The following KRT8 variants were observed in gnomAD, a reference collection of about 807,000 sequenced individuals.
KRT8 encodes the protein keratin, type II cytoskeletal 8.
Under a neutral mutation model 43.0 loss-of-function variants are expected in KRT8, and 24 were observed. The observed-to-expected ratio is 0.56, with a 90% CI of 0.40 to 0.78. The LOEUF is 0.78. KRT8 is among the 30% of genes least tolerant of loss of function. The pLI is 0.00. For missense variants in KRT8, 492 were observed against 638.4 expected, an observed-to-expected ratio of 0.77 and a Z score of 2.47; for synonymous variants, 214 against 261.2, an observed-to-expected ratio of 0.82 and a Z score of 1.74.
At chr12:52,936,078 C>T (rs1942165134) in intron 2 of KRT8, among the ~76,000 whole-genome samples, 1 of 151,716 alleles carries the variant, frequency 6.6e-6, no homozygotes, top group Non-Finnish European at 1.5e-5. Flanking sequence ...ATGGTGAAAC[C>T]CCGTCTGTAC....
chr12:52,911,204 T>C (rs796193172), upstream of KRT8, among the ~76,000 whole-genome samples: 4 of 152,152 alleles, frequency 2.6e-5, no homozygotes, highest in African/African-American at 9.6e-5. Flanking sequence ...ATACAGAAAT[T>C]AGCCGGGCGT....
chr12:52,941,916 G>A (rs1338976823), intron 2 of KRT8, among the ~76,000 whole-genome samples: 1 of 152,146 alleles, frequency 6.6e-6, no homozygotes, highest in African/African-American at 2.4e-5. Flanking sequence ...TTTCTGTGCT[G>A]TATTCTCAGA....
intron 4 of KRT8, among the ~76,000 whole-genome samples, chr12:52,900,323 A>G (rs1023391347): frequency 2.6e-5 from 4 of 152,186 alleles, no homozygotes; most frequent in East Asian, 1.9e-4. Context: ...ACCACACCCT[A>G]TGATGACCTT....
chr12:52,941,199 T>C (rs540263788), intron 2 of KRT8, among the ~76,000 whole-genome samples: 1 of 151,876 alleles, frequency 6.6e-6, no homozygotes, highest in African/African-American at 2.4e-5. Flanking sequence ...CCCGAGTAGC[T>C]GGGATTACAG....
At chr12:52,923,424 T>C (rs1013076542) in intron 2 of KRT8, among the ~76,000 whole-genome samples, 6 of 152,136 alleles carry the variant, frequency 3.9e-5, no homozygotes, top group African/African-American at 1.4e-4. Flanking sequence ...TTTGTTTTGT[T>C]TTGTTTTGTT....
intron 7 of KRT8, 41 bp downstream of exon 7, chr12:52,898,420 C>A (rs1392119153): frequency 6.3e-7 from 1 of 1,584,316 alleles, no homozygotes; most frequent in Non-Finnish European, 8.6e-7. Context: ...CCTCCCTGGG[C>A]CCTGCCTCCC....
chr12:52,900,795 T>C (rs1941349913), intron 3 of KRT8, 112 bp from the exon 4 acceptor site: 1 of 750,660 alleles, frequency 1.3e-6, no homozygotes. Context: ...GTTGCCCACT[T>C]TGTGGATTGA....
chr12:52,917,749 G>A (rs1373827122), intron 2 of KRT8, among the ~76,000 whole-genome samples: 1 of 150,936 alleles, frequency 6.6e-6, no homozygotes, highest in African/African-American at 2.4e-5. Flanking sequence ...CGTTGTGGCA[G>A]GTGCCTGTAG....
At chr12:52,931,859 C>T (rs1942090617) in intron 2 of KRT8, among the ~76,000 whole-genome samples, 1 of 152,006 alleles carries the variant, frequency 6.6e-6, no homozygotes, top group African/African-American at 2.4e-5. Flanking sequence ...GATGGGGTTT[C>T]ACCATGTTGG....
chr12:52,931,179 T>A (rs1942076927), intron 2 of KRT8, among the ~76,000 whole-genome samples: 1 of 151,934 alleles, frequency 6.6e-6, no homozygotes, highest in South Asian at 2.1e-4. Flanking sequence ...GCCATTCTCC[T>A]GCCTCAGTCT....
chr12:52,949,280 A>G (rs891346528), intron 2 of KRT8: 2 of 1,610,794 alleles, frequency 1.2e-6, no homozygotes, highest in East Asian at 2.2e-5. Context: ...GCCAGCGTCT[A>G]TGCAGGCGCT....
chr12:52,939,857 G>T (rs1942237887), intron 2 of KRT8, among the ~76,000 whole-genome samples: 1 of 152,100 alleles, frequency 6.6e-6, no homozygotes, highest in African/African-American at 2.4e-5. Flanking sequence ...AGACCAAGGT[G>T]GGAGGATCAC....
At chr12:52,897,304 G>T (rs1387733943) in exon 8 of KRT8, 3 of 920,926 alleles carry the variant, frequency 3.3e-6, no homozygotes, top group Admixed American at 1.8e-5. Context: ...CCCCAGGTGG[G>T]CTGAGGGCTA....
intron 2 of KRT8, among the ~76,000 whole-genome samples, chr12:52,922,184 T>TAAAAAAAAAA (rs57023136): frequency 5.2e-5 from 2 of 38,728 alleles, no homozygotes; most frequent in African/African-American, 1.2e-4. Context: ...ACCCTGTCTC[T>TAAAAAAAAAA]AAAAAAAAAA....
rs566106010 is a variant in KRT8, at chr12:52,917,677, C to G, written c.-46-12650G>C. ...CGAGACAAGATTGTGCCATTGCACT[C>G]CAGCCTGGGTGATAGGGCGAGACTC... On this transcript the variant is annotated intron_variant, in intron 2 of 6. Transcript: ENST00000546826. 6.1e-5 allele frequency among the ~76,000 whole-genome samples: 9 copies of G among 147,544 alleles called. No individual in the cohort carries two copies. In the Admixed American group the frequency reaches 6.3e-4, roughly 10 times the overall value.
chr12:52,934,752 T>A (rs1942138544), intron 2 of KRT8, among the ~76,000 whole-genome samples: 1 of 151,998 alleles, frequency 6.6e-6, no homozygotes, highest in East Asian at 1.9e-4. Flanking sequence ...GCAGATCACC[T>A]GAGGTCAGGA....
Position 52,936,516 on chromosome 12 carries a change from T to G in KRT8, c.-47+12940A>C, listed in dbSNP as rs1267475163. Among the ~76,000 whole-genome samples, 3 of 152,020 alleles carry G rather than the reference T, an allele frequency of 2.0e-5. No homozygotes were observed. In the East Asian group the frequency reaches 5.8e-4, roughly 29 times the overall value. The stretch of plus-strand genomic sequence containing the variant: ...AGCTAGATTTCTTCTGTTGTTTTTG[T>G]TGTTGTTGTTGTTGAGATGGAGTTT... On this transcript the variant is annotated intron_variant, in intron 2 of 6. Coordinates refer to the KRT8 transcript ENST00000546826.
intron 2 of KRT8, among the ~76,000 whole-genome samples, chr12:52,932,804 A>AT (rs1226585003): frequency 6.6e-6 from 1 of 151,962 alleles, no homozygotes; most frequent in Non-Finnish European, 1.5e-5. Context: ...TGTGTCTATA[A>AT]TAAAAAAAAA....
intron 2 of KRT8, among the ~76,000 whole-genome samples, chr12:52,928,747 A>T (rs1016895418): frequency 2.3e-4 from 35 of 152,166 alleles, no homozygotes; most frequent in Non-Finnish European, 2.1e-4. Flanking sequence ...TCTACTAAAA[A>T]TACAAAAAAT....
Sources: gnomAD v4.1 joint callset for allele counts (sites outside exome capture counted in the v4.1 genomes callset) on GRCh38, gnomAD v4.1.1 for gene constraint, MANE v1.5 for transcripts, NCBI Gene and HGNC (gene_info 2026-07-23, HGNC 2026-07-21) for gene names.